Variants in GPR148 observed in about 807,000 individuals in gnomAD.
GPR148 encodes the protein probable G protein-coupled receptor 148.
For synonymous variants in GPR148, 173 were observed against 187.9 expected (o/e 0.92, Z 0.65); for missense variants, 424 against 435.3 (o/e 0.97, Z 0.23).
Position 130,729,817 on chromosome 2 carries a change from C to G in GPR148, c.666C>G (p.Thr222=). 1.2e-6 allele frequency: 2 copies of G among 1,606,226 alleles called. No individual in the cohort carries two copies. The highest frequency in any genetic ancestry group is 2.2e-5 in the South Asian group (2 of 90,056). ...GCCTCCTGGTCATTGTTACCTACAC[C>G]TCCATTCTGTGCGTTCTGTTCCTCT... The part of the protein sequence containing the change: ...GCGLLVIVTY[T]SILCVLFLCT... The change falls in exon 1 of 1, where the codon ACC becomes ACG. Residue 222 remains threonine (T), a synonymous_variant. Transcript: ENST00000309926.
In GPR148 at chr2:130,729,634, C is replaced by G; in HGVS notation, c.483C>G (p.Ser161=). ...IHPLRYLSFM[S]HGAAWKAVAL... ...CACTGCGCTACCTCTCCTTCATGTC[C>G]CATGGGGCTGCCTGGAAGGCAGTGG... The change falls in exon 1 of 1, where the codon TCC becomes TCG. Residue 161 remains serine (S), a synonymous_variant. Coordinates refer to ENST00000309926, the MANE Select transcript of GPR148 (RefSeq NM_207364.2). 1 of 1,614,228 alleles carries G rather than the reference C, an allele frequency of 6.2e-7. No homozygotes were observed. Among genetic ancestry groups the G allele is most frequent in the Admixed American group, 1.7e-5 (1 of 60,034 alleles).
In GPR148 at chr2:130,729,742, A is replaced by G. The variant is rs772963549; in HGVS notation, c.591A>G (p.Gln197=). The change falls in exon 1 of 1, where the codon CAA becomes CAG. Residue 197 remains glutamine (Q), a synonymous_variant. Coordinates refer to ENST00000309926, the MANE Select transcript of GPR148 (RefSeq NM_207364.2). ...GGCAGGATGCCCAGCTGGAGGAGCA[A>G]GGAGCTTCATACATCCTACCACCAA... The part of the protein sequence containing the change: ...SKWQDAQLEE[Q]GASYILPPSM... The G allele has an allele frequency of 6.2e-7, 1 of 1,614,226 alleles. No homozygotes were observed. The highest frequency in any genetic ancestry group is 8.5e-7 in the Non-Finnish European group (1 of 1,180,028).
Position 130,729,606 on chromosome 2 carries a change from A to G in GPR148, c.455A>G (p.His152Arg), listed in dbSNP as rs1261994696. 3 of 1,614,186 alleles carry G rather than the reference A, an allele frequency of 1.9e-6. No homozygotes were observed. Among genetic ancestry groups the G allele is most frequent in the Admixed American group, 3.3e-5 (2 of 60,026 alleles). Reference protein sequence around the residue: ...IVLHTYLAVIHPLRYLSFMSH... With the variant: ...IVLHTYLAVIRPLRYLSFMSH... The stretch of plus-strand genomic sequence containing the variant: ...CTGCACACCTACCTGGCAGTCATCC[A>G]TCCACTGCGCTACCTCTCCTTCATG... Residue 152 changes from histidine to arginine, a missense_variant, in exon 1 of 1, where the codon CAT becomes CGT. Physicochemically the swap from His to Arg is conservative, Grantham distance 29. Coordinates refer to ENST00000309926, the MANE Select transcript of GPR148 (RefSeq NM_207364.2).
chr2:130,729,473 T>C lies in GPR148; in HGVS notation c.322T>C (p.Ser108Pro), dbSNP rs143125959. 8.1e-5 allele frequency: 131 copies of C among 1,614,082 alleles called. No individual in the cohort carries two copies. The highest frequency in any genetic ancestry group is 8.1e-5 in the Non-Finnish European group (96 of 1,180,022). ...AYILLHMLIS[S>P]SSLGGWELGR... The stretch of plus-strand genomic sequence containing the variant: ...CATTCTCCTCCACATGCTCATCTCC[T>C]CCAGCAGCCTGGGTGGCTGGGAGCT... Residue 108 changes from serine to proline, a missense_variant, in exon 1 of 1, where the codon TCC becomes CCC. Transcript: ENST00000309926.
chr2:130,729,078 TG>T lies in GPR148; in HGVS notation c.-70del. The stretch of plus-strand genomic sequence containing the variant: ...AGGAGTGGTGCCATCAGGACCCCTG[TG>T]GGGCAGATCAACACTCAAGGCAGGT... On this transcript the variant is annotated 5_prime_UTR_variant, in exon 1 of 1. Coordinates refer to ENST00000309926, the MANE Select transcript of GPR148 (RefSeq NM_207364.2). 1 of 1,308,410 alleles carries T rather than the reference TG, an allele frequency of 7.6e-7. No individual in the cohort carries two copies. Among genetic ancestry groups the T allele is most frequent in the Non-Finnish European group, 1.1e-6 (1 of 946,950 alleles). The allele number at this position is 1,308,410 out of a possible 1,614,324, so 81.1% of individuals were successfully genotyped here.
In GPR148 at chr2:130,729,500, G is replaced by A. The variant is rs1688442647; in HGVS notation, c.349G>A (p.Gly117Ser). 1 of 1,614,176 alleles carries A rather than the reference G, an allele frequency of 6.2e-7. No individual in the cohort carries two copies. Among genetic ancestry groups the A allele is most frequent in the African/African-American group, 1.3e-5 (1 of 75,066 alleles). ...CAGCAGCCTGGGTGGCTGGGAGCTG[G>A]GCCGCATGGCCTGTGGCATTCTCAC... ...SSSSLGGWEL[G>S]RMACGILTDA... The change falls in exon 1 of 1, where the codon GGC becomes AGC. Residue 117 changes from glycine (G) to serine (S), a missense_variant. Physicochemically the swap from Gly to Ser is moderately conservative, Grantham distance 56. Transcript: ENST00000309926.
Position 130,729,371 on chromosome 2 carries a change from A to G in GPR148, c.220A>G (p.Ile74Val), listed in dbSNP as rs749400416. 1 of 1,614,148 alleles carries G rather than the reference A, an allele frequency of 6.2e-7. No individual in the cohort carries two copies. Among genetic ancestry groups the G allele is most frequent in the Non-Finnish European group, 8.5e-7 (1 of 1,180,028 alleles). ...TGTCAGCCCCCTGCTGCTGGTGACCATCCTGCGGAACCAACGGCTGCGACA... is the reference window on the plus strand; with the variant it reads ...TGTCAGCCCCCTGCTGCTGGTGACCGTCCTGCGGAACCAACGGCTGCGACA... ...LAVSPLLLVT[I>V]LRNQRLRQEP... Residue 74 changes from isoleucine to valine, a missense_variant, in exon 1 of 1, where the codon ATC (isoleucine) becomes GTC (valine). Transcript: ENST00000309926.
At position 130,729,632 on chromosome 2, in the gene GPR148, T is replaced by C. The variant is rs1295049769; in HGVS notation, c.481T>C (p.Ser161Pro). 1 of 1,614,214 alleles carries C rather than the reference T, an allele frequency of 6.2e-7. No individual in the cohort carries two copies. The highest frequency in any genetic ancestry group is 8.5e-7 in the Non-Finnish European group (1 of 1,180,008). ...TCCACTGCGCTACCTCTCCTTCATG[T>C]CCCATGGGGCTGCCTGGAAGGCAGT... ...IHPLRYLSFM[S>P]HGAAWKAVAL... Residue 161 changes from serine (S) to proline (P), a missense_variant, in exon 1 of 1, where the codon TCC becomes CCC. By Grantham distance (74) the Ser-to-Pro change is moderately conservative. Transcript: ENST00000309926.
chr2:130,730,073 C>G lies in GPR148; in HGVS notation c.922C>G (p.Leu308Val), dbSNP rs1447650292. 6.2e-7 allele frequency: 1 copy of G among 1,604,482 alleles called. No homozygotes were observed. The highest frequency in any genetic ancestry group is 1.1e-5 in the South Asian group (1 of 89,244). ...TWLLAANSEV[L>V]MMLPRAMLTY... is the part of the protein sequence containing the mutation. ...GCTCCTGGCAGCTAACAGTGAGGTACTCATGATGCTTCCCCGTGCCATGCT... is the reference window on the plus strand; with the variant it reads ...GCTCCTGGCAGCTAACAGTGAGGTAGTCATGATGCTTCCCCGTGCCATGCT... Residue 308 changes from leucine to valine, a missense_variant, in exon 1 of 1, where the codon CTC becomes GTC. Physicochemically the swap from Leu to Val is conservative, Grantham distance 32. Coordinates refer to ENST00000309926, the MANE Select transcript of GPR148 (RefSeq NM_207364.2).
At position 130,730,246 on chromosome 2, in the gene GPR148, A is replaced by G. The variant is rs1296681710; in HGVS notation, c.*51A>G. The G allele has an allele frequency of 6.9e-7, 1 of 1,444,326 alleles. No individual in the cohort carries two copies. The highest frequency in any genetic ancestry group is 2.0e-5 in the Admixed American group (1 of 50,042). 89.5% of individuals were successfully genotyped at this position (1,444,326 alleles called of 1,614,324 possible). ...GCTGAGGTTAAAAATCATATGTTGA[A>G]TGCAGCAGTGTCCACTTATGACTAA... On this transcript the variant is annotated 3_prime_UTR_variant, in exon 1 of 1. Coordinates refer to ENST00000309926, the MANE Select transcript of GPR148 (RefSeq NM_207364.2).
At position 130,729,784 on chromosome 2, in the gene GPR148, G is replaced by A. The variant is rs371007148; in HGVS notation, c.633G>A (p.Pro211=). The A allele has an allele frequency of 1.6e-4, 258 of 1,612,458 alleles. No individual in the cohort carries two copies. Among genetic ancestry groups the A allele is most frequent in the African/African-American group, 2.1e-4 (16 of 75,056 alleles). ...YILPPSMGTQ[P]GCGLLVIVTY... The stretch of plus-strand genomic sequence containing the variant: ...TACCACCAAGCATGGGCACCCAGCC[G>A]GGATGTGGCCTCCTGGTCATTGTTA... Residue 211 remains proline (P), a synonymous_variant, in exon 1 of 1, where the codon CCG becomes CCA. Coordinates refer to ENST00000309926, the MANE Select transcript of GPR148 (RefSeq NM_207364.2).
At position 130,729,802 on chromosome 2, in the gene GPR148, C is replaced by T; in HGVS notation, c.651C>T (p.Val217=). 1 of 1,609,984 alleles carries T rather than the reference C, an allele frequency of 6.2e-7. No homozygotes were observed. Among genetic ancestry groups the T allele is most frequent in the Non-Finnish European group, 8.5e-7 (1 of 1,177,152 alleles). The part of the protein sequence containing the change: ...MGTQPGCGLL[V]IVTYTSILCV... ...CCCAGCCGGGATGTGGCCTCCTGGT[C>T]ATTGTTACCTACACCTCCATTCTGT... Residue 217 remains valine, a synonymous_variant, in exon 1 of 1, where the codon GTC becomes GTT. Transcript: ENST00000309926.
In GPR148 at chr2:130,729,112, CA is replaced by C; in HGVS notation, c.-38del. The stretch of plus-strand genomic sequence containing the variant: ...TCAACACTCAAGGCAGGTGCAGAAT[CA>C]ACAACCTGTGACAAAGCCAGCCATC... On this transcript the variant is annotated 5_prime_UTR_variant, in exon 1 of 1. Coordinates refer to ENST00000309926, the MANE Select transcript of GPR148 (RefSeq NM_207364.2). 1 of 1,503,056 alleles carries C rather than the reference CA, an allele frequency of 6.7e-7. No individual in the cohort carries two copies. Among genetic ancestry groups the C allele is most frequent in the South Asian group, 1.3e-5 (1 of 75,274 alleles). 93.1% of individuals were successfully genotyped at this position (1,503,056 alleles called of 1,614,324 possible). A position where few individuals can be genotyped will look rare whatever the true frequency, so the allele number is the denominator to read the frequency against.
In GPR148 at chr2:130,729,417, C is replaced by A. The variant is rs199627473; in HGVS notation, c.266C>A (p.Pro89Gln). 4 of 1,614,270 alleles carry A rather than the reference C, an allele frequency of 2.5e-6. No homozygotes were observed. The highest frequency in any genetic ancestry group is 1.7e-5 in the Admixed American group (1 of 60,034). ...CGACAGGAGCCCCACTACCTGCTCC[C>A]GGCTAACATCCTGCTCTCAGACCTG... is the stretch of plus-strand genomic sequence containing the variant. ...RLRQEPHYLL[P>Q]ANILLSDLAY... The change falls in exon 1 of 1, where the codon CCG becomes CAG. Residue 89 changes from proline (P) to glutamine (Q), a missense_variant. Transcript: ENST00000309926.
In GPR148 at chr2:130,729,621, T is replaced by C. The variant is rs144326716; in HGVS notation, c.470T>C (p.Leu157Pro). The C allele has an allele frequency of 7.4e-6, 12 of 1,614,060 alleles. No homozygotes were observed. In the African/African-American group the frequency reaches 1.6e-4, roughly 22 times the overall value. The change falls in exon 1 of 1, where the codon CTC becomes CCC. Residue 157 changes from leucine to proline, a missense_variant. By Grantham distance (98) the Leu-to-Pro change is moderately conservative. Transcript: ENST00000309926. ...YLAVIHPLRY[L>P]SFMSHGAAWK... ...GCAGTCATCCATCCACTGCGCTACC[T>C]CTCCTTCATGTCCCATGGGGCTGCC...
At position 130,729,882 on chromosome 2, in the gene GPR148, C is replaced by T; in HGVS notation, c.731C>T (p.Ala244Val). 6.3e-7 allele frequency: 1 copy of T among 1,592,836 alleles called. No homozygotes were observed. Among genetic ancestry groups the T allele is most frequent in the East Asian group, 2.2e-5 (1 of 44,738 alleles). ...LIANCFWRIY[A>V]EAKTSGIWGQ... ...GCCAACTGTTTCTGGAGGATCTATG[C>T]AGAGGCCAAGACTTCAGGCATCTGG... is the stretch of plus-strand genomic sequence containing the variant. The change falls in exon 1 of 1, where the codon GCA becomes GTA. Residue 244 changes from alanine to valine, a missense_variant. By Grantham distance (64) the Ala-to-Val change is moderately conservative (BLOSUM62 0). Transcript: ENST00000309926.
chr2:130,729,450 T>C lies in GPR148; in HGVS notation c.299T>C (p.Ile100Thr), dbSNP rs1688441690. ...ANILLSDLAY[I>T]LLHMLISSSS... The stretch of plus-strand genomic sequence containing the variant: ...ATCCTGCTCTCAGACCTGGCCTACA[T>C]TCTCCTCCACATGCTCATCTCCTCC... Residue 100 changes from isoleucine (I) to threonine (T), a missense_variant, in exon 1 of 1, where the codon ATT becomes ACT. By Grantham distance (89) the Ile-to-Thr change is moderately conservative. Coordinates refer to ENST00000309926, the MANE Select transcript of GPR148 (RefSeq NM_207364.2). 1 of 1,614,198 alleles carries C rather than the reference T, an allele frequency of 6.2e-7. No homozygotes were observed. Among genetic ancestry groups the C allele is most frequent in the Non-Finnish European group, 8.5e-7 (1 of 1,179,998 alleles).
Position 130,730,202 on chromosome 2 carries a change from T to C in GPR148, c.*7T>C. ...CATCTTTACCATTTCCTAGAGTTCT[T>C]GAGTCCACAGTCTGGCAAGCTGAGG... On this transcript the variant is annotated 3_prime_UTR_variant, in exon 1 of 1. Coordinates refer to ENST00000309926, the MANE Select transcript of GPR148 (RefSeq NM_207364.2). 6.2e-7 allele frequency: 1 copy of C among 1,601,658 alleles called. No homozygotes were observed. The highest frequency in any genetic ancestry group is 8.5e-7 in the Non-Finnish European group (1 of 1,173,742).
rs1006325582 is a variant in GPR148 at position 130,729,414 on chromosome 2, T to C, written c.263T>C (p.Leu88Pro). The C allele has an allele frequency of 6.2e-7, 1 of 1,614,124 alleles. No individual in the cohort carries two copies. Among genetic ancestry groups the C allele is most frequent in the African/African-American group, 1.3e-5 (1 of 74,928 alleles). ...QRLRQEPHYL[L>P]PANILLSDLA... is the part of the protein sequence containing the mutation. ...CTGCGACAGGAGCCCCACTACCTGCTCCCGGCTAACATCCTGCTCTCAGAC... is the reference window on the plus strand; with the variant it reads ...CTGCGACAGGAGCCCCACTACCTGCCCCCGGCTAACATCCTGCTCTCAGAC... Residue 88 changes from leucine (L) to proline (P), a missense_variant, in exon 1 of 1, where the codon CTC (leucine) becomes CCC (proline). Physicochemically the swap from Leu to Pro is moderately conservative, Grantham distance 98. Transcript: ENST00000309926.
Sources: gnomAD v4.1 joint callset for allele counts on GRCh38, gnomAD v4.1.1 for gene constraint, MANE v1.5 for transcripts, NCBI Gene and HGNC (gene_info 2026-07-23, HGNC 2026-07-21) for gene names.